The following SLC41A1 variants were observed in gnomAD, a reference collection of about 807,000 sequenced individuals.
SLC41A1 encodes solute carrier family 41 (magnesium transporter), member 1.
In SLC41A1, 20 loss-of-function variants were observed where a neutral mutation model predicts 47.3. The observed-to-expected ratio is 0.42, with a 90% CI of 0.30 to 0.61. SLC41A1 has a LOEUF of 0.61. Ranked by LOEUF, SLC41A1 falls within the 20% of genes least tolerant of loss-of-function variation. The pLI is 0.17. For synonymous variants in SLC41A1, 282 were observed against 272.7 expected (o/e 1.03, Z -0.34); for missense variants, 504 against 674.1 (o/e 0.75, Z 2.79).
At position 205,790,129 on chromosome 1, in the gene SLC41A1, T is replaced by C. The variant is rs1264956014; in HGVS notation, c.*1404A>G. The C allele has an allele frequency of 1.3e-5, 2 of 152,200 alleles. No individual in the cohort carries two copies. Among genetic ancestry groups the C allele is most frequent in the African/African-American group, 4.8e-5 (2 of 41,418 alleles). The allele number at this position is 152,200 out of a possible 1,614,324, so 9.4% of individuals were successfully genotyped here. A position where few individuals can be genotyped will look rare whatever the true frequency, so the allele number is the denominator to read the frequency against. On this transcript the variant is annotated 3_prime_UTR_variant, in exon 11 of 11. Transcript: ENST00000367137. Reference sequence around the variant, plus strand: ...AGCAATGGGGCGGTGGCTCTAGCTGTGGTCAGCACTGCACAGAGTAGGGGT... The same window carrying C: ...AGCAATGGGGCGGTGGCTCTAGCTGCGGTCAGCACTGCACAGAGTAGGGGT...
rs1655812320 is a variant in SLC41A1, at chr1:205,799,066, G to A, written c.588C>T (p.Ile196=). ...GGATCCAGCCAAAGACGACGGCTGC[G>A]ATGGACGCCAGGAAGCCCACCACCG... ...QATVVGFLAS[I]AAVVFGWIPD... is the part of the protein sequence containing the mutation. Residue 196 remains isoleucine, a synonymous_variant, in exon 5 of 11, where the codon ATC becomes ATT. Coordinates refer to ENST00000367137, the MANE Select transcript of SLC41A1 (RefSeq NM_173854.6). The A allele has an allele frequency of 1.9e-6, 3 of 1,612,874 alleles. No homozygotes were observed. The highest frequency in any genetic ancestry group is 2.5e-6 in the Non-Finnish European group (3 of 1,179,952).
intron 1 of SLC41A1, among the ~76,000 whole-genome samples, chr1:205,811,809 G>T (rs997950105): frequency 6.6e-6 from 1 of 152,104 alleles, no homozygotes; most frequent in African/African-American, 2.4e-5. Context: ...GTCTCTCCCC[G>T]TCTCCCCCTG....
intron 2 of SLC41A1, among the ~76,000 whole-genome samples, chr1:205,802,162 G>T (rs937162903): frequency 2.6e-5 from 4 of 152,124 alleles, no homozygotes; most frequent in Non-Finnish European, 5.9e-5. Flanking sequence ...AGGCCAGGCG[G>T]ATATATATGG....
chr1:205,791,853 C>T lies in SLC41A1; in HGVS notation c.1357-135G>A. 8.8e-7 allele frequency: 1 copy of T among 1,131,442 alleles called. No individual in the cohort carries two copies. Among genetic ancestry groups the T allele is most frequent in the Non-Finnish European group, 1.3e-6 (1 of 772,252 alleles). The allele number at this position is 1,131,442 out of a possible 1,614,324, so 70.1% of individuals were successfully genotyped here. ...CCTTACTTTTTAATCTTCCTCTTTC[C>T]ACCCCAGCAACCTCTCTGTGTTTCT... On this transcript the variant is annotated intron_variant, in intron 10 of 10. Transcript: ENST00000367137. The surrounding 1 kb of genome is among the most constrained non-coding windows in gnomAD (Gnocchi z 4.0).
At chr1:205,805,028 T>C (rs823073) in intron 2 of SLC41A1, among the ~76,000 whole-genome samples, 127,207 of 152,146 alleles carry the variant, frequency 0.84, 54,624 homozygotes, top group Non-Finnish European at 0.94. Flanking sequence ...CCCAGCACAA[T>C]GCACCCTCTC....
chr1:205,813,141 C>T lies in SLC41A1; in HGVS notation c.-980G>A, dbSNP rs1279714393. 9.8e-5 allele frequency: 97 copies of T among 985,550 alleles called. No individual in the cohort carries two copies. The Admixed American group carries it at 2.1e-3, about 22-fold the overall frequency. The allele number at this position is 985,550 out of a possible 1,614,324, so 61.1% of individuals were successfully genotyped here. On this transcript the variant is annotated 5_prime_UTR_variant, in exon 1 of 11. Coordinates refer to ENST00000367137, the MANE Select transcript of SLC41A1 (RefSeq NM_173854.6). ...TCACGCGCCCCCAATCGCTTCTTGCCCGCGGACTCGGGCCCAACTGGTTGG... is the reference window on the plus strand; with the variant it reads ...TCACGCGCCCCCAATCGCTTCTTGCTCGCGGACTCGGGCCCAACTGGTTGG...
In SLC41A1 at chr1:205,800,973, C is replaced by T; in HGVS notation, c.460G>A (p.Ala154Thr). The change falls in exon 3 of 11, where the codon GCA (alanine) becomes ACA (threonine). Residue 154 changes from alanine (A) to threonine (T), a missense_variant. Physicochemically the swap from Ala to Thr is moderately conservative, Grantham distance 58. Coordinates refer to ENST00000367137, the MANE Select transcript of SLC41A1 (RefSeq NM_173854.6). ...CTCACTGCAGTGGAAAGCCTTGATG[C>T]CAGGGTCATTTCCAGGTTCCCTTTG... ...GLKGNLEMTL[A>T]SRLSTAANIG... 1 of 1,614,112 alleles carries T rather than the reference C, an allele frequency of 6.2e-7. No individual in the cohort carries two copies. The highest frequency in any genetic ancestry group is 8.5e-7 in the Non-Finnish European group (1 of 1,179,980).
intron 10 of SLC41A1, among the ~76,000 whole-genome samples, chr1:205,794,488 A>G (rs1655699789): frequency 6.6e-6 from 1 of 152,146 alleles, no homozygotes; most frequent in Admixed American, 6.5e-5. Context: ...GCTTTATGCA[A>G]ATGAATTTCT....
chr1:205,806,332 T>C (rs892710428), intron 2 of SLC41A1, among the ~76,000 whole-genome samples: 9 of 152,230 alleles, frequency 5.9e-5, no homozygotes, highest in Non-Finnish European at 1.2e-4. Context: ...CCCACTCTAC[T>C]TCCCCAAGGC....
intron 9 of SLC41A1, 122 bp downstream of exon 9, chr1:205,795,222 C>G (rs1392776239): frequency 6.5e-7 from 1 of 1,529,948 alleles, no homozygotes. Flanking sequence ...TTCAGAACAG[C>G]TGGCACAGCC....
At chr1:205,806,282 G>C (rs942766331) in intron 2 of SLC41A1, among the ~76,000 whole-genome samples, 1 of 152,148 alleles carries the variant, frequency 6.6e-6, no homozygotes. Flanking sequence ...GGGATGCTGC[G>C]GCCACAGGAG....
At chr1:205,797,693 G>A (rs1655781109) in intron 7 of SLC41A1, among the ~76,000 whole-genome samples, 1 of 152,196 alleles carries the variant, frequency 6.6e-6, no homozygotes, top group Admixed American at 6.5e-5. Context: ...ATTCAGCTGT[G>A]CCTTTTTGGT....
At position 205,810,570 on chromosome 1, in the gene SLC41A1, C is replaced by T. The variant is rs1354200965; in HGVS notation, c.-129G>A. On this transcript the variant is annotated 5_prime_UTR_variant, in exon 2 of 11. In the 5' UTR this introduces an upstream ATG that the reference lacks. Transcript: ENST00000367137. This position sits in a 1 kb window ranked among gnomAD's most constrained non-coding sequence, Gnocchi z 5.5. Reference sequence around the variant, plus strand: ...TTGGGCGCCGCAGGACCTCTTCCCACGGCTCTCCACTCCTACCAGGCACTG... The same window carrying T: ...TTGGGCGCCGCAGGACCTCTTCCCATGGCTCTCCACTCCTACCAGGCACTG... 1.9e-5 allele frequency: 27 copies of T among 1,407,404 alleles called. No homozygotes were observed. Among genetic ancestry groups the T allele is most frequent in the African/African-American group, 5.6e-5 (4 of 71,168 alleles). The allele number at this position is 1,407,404 out of a possible 1,614,324, so 87.2% of individuals were successfully genotyped here. A position where few individuals can be genotyped will look rare whatever the true frequency, so the allele number is the denominator to read the frequency against.
chr1:205,808,881 C>A (rs563778892), intron 2 of SLC41A1, among the ~76,000 whole-genome samples: 1 of 152,362 alleles, frequency 6.6e-6, no homozygotes, highest in South Asian at 2.1e-4. Flanking sequence ...CAAGAACCAA[C>A]CCCCTTCAGT....
Position 205,795,485 on chromosome 1 carries a change from A to C in SLC41A1, c.1073-7T>G. 6.2e-7 allele frequency: 1 copy of C among 1,614,188 alleles called. No homozygotes were observed. The highest frequency in any genetic ancestry group is 8.5e-7 in the Non-Finnish European group (1 of 1,180,030). On this transcript the variant is annotated splice_polypyrimidine_tract_variant and splice_region_variant and intron_variant, in intron 8 of 10. Coordinates refer to ENST00000367137, the MANE Select transcript of SLC41A1 (RefSeq NM_173854.6). Reference sequence around the variant, plus strand: ...ACCAGATTGCCCCCAACACCTGCAGAGACACATACGGGCTTAGACACAGAC... The same window carrying C: ...ACCAGATTGCCCCCAACACCTGCAGCGACACATACGGGCTTAGACACAGAC...
intron 4 of SLC41A1, 109 bp from the exon 5 acceptor site, chr1:205,799,210 G>A: frequency 6.7e-7 from 1 of 1,488,164 alleles, no homozygotes; most frequent in Non-Finnish European, 9.2e-7. Context: ...GCCCCAGGAG[G>A]CAGGCTGGAC....
Position 205,794,366 on chromosome 1 carries a change from GTAA to G in SLC41A1, c.1356+501_1356+503del, listed in dbSNP as rs1346977133. On this transcript the variant is annotated intron_variant, in intron 10 of 10. Transcript: ENST00000367137. ...TTTCAAAATAAAAAGCTTTTACAAT[GTAA>G]TAATACAAGAAGGGAGAAAGTGTCA... is the stretch of plus-strand genomic sequence containing the variant. 7.9e-5 allele frequency among the ~76,000 whole-genome samples: 12 copies of G among 152,256 alleles called. No individual in the cohort carries two copies. In the East Asian group the frequency reaches 2.1e-3, roughly 27 times the overall value.
intron 10 of SLC41A1, among the ~76,000 whole-genome samples, chr1:205,792,849 C>A (rs1016579231): frequency 6.6e-6 from 1 of 152,100 alleles, no homozygotes; most frequent in Non-Finnish European, 1.5e-5. Context: ...CCTAAGGGAT[C>A]CAGATGCGGG....
intron 8 of SLC41A1, chr1:205,796,405 T>C (rs1418937381): frequency 1.0e-5 from 2 of 195,420 alleles, no homozygotes; most frequent in Non-Finnish European, 2.1e-5. Context: ...TGGATTAATG[T>C]CTTTCTTGGG....
Sources: gnomAD v4.1 joint callset for allele counts (sites outside exome capture counted in the v4.1 genomes callset) on GRCh38, gnomAD v4.1.1 for gene constraint, Gnocchi (gnomAD v3.1) non-coding constraint, MANE v1.5 for transcripts, NCBI Gene and HGNC (gene_info 2026-07-23, HGNC 2026-07-21) for gene names.